PCDH11Y: variants seen among roughly 807,000 people sequenced by gnomAD.
PCDH11Y encodes the protein protocadherin 11 Y-linked, also known as protocadherin-11 Y-linked.
For missense variants in PCDH11Y, 12 were observed against 224.8 expected (o/e 0.05, Z 6.05); for synonymous variants, 9 against 83.6 (o/e 0.11, Z 4.87).
At chrY:5,085,071 C>G (rs111648571) in intron 1 of PCDH11Y, among the ~76,000 whole-genome samples, 1 of 32,894 alleles carries the variant, frequency 3.0e-5, no homozygotes, top group South Asian at 6.7e-4. Context: ...GTTTTGTGGT[C>G]TTCTCTTCCT....
At chrY:5,234,304 T>C in intron 2 of PCDH11Y, among the ~76,000 whole-genome samples, 2 of 21,572 alleles carry the variant, frequency 9.3e-5, no homozygotes. Context: ...AGTGCAGTGG[T>C]GCGATCTTGG....
At chrY:5,470,618 T>C (rs2053313347) in intron 2 of PCDH11Y, among the ~76,000 whole-genome samples, 2 of 30,981 alleles carry the variant, frequency 6.5e-5, no homozygotes, top group African/African-American at 1.3e-4. Context: ...ATTTCATTTA[T>C]GTTTTTTTTT....
chrY:5,237,977 C>T (rs2124654716), intron 2 of PCDH11Y, among the ~76,000 whole-genome samples: 11 of 33,001 alleles, frequency 3.3e-4, no homozygotes, highest in Admixed American at 1.4e-3. Flanking sequence ...GAATCAATAT[C>T]GTGAAAATGG....
intron 1 of PCDH11Y, among the ~76,000 whole-genome samples, chrY:5,003,668 T>C: frequency 1.2e-4 from 4 of 33,865 alleles, no homozygotes; most frequent in Admixed American, 1.0e-3. Flanking sequence ...CAAATTGGGA[T>C]GATGCAGGAA....
At chrY:5,422,681 T>G in intron 2 of PCDH11Y, among the ~76,000 whole-genome samples, 1 of 33,242 alleles carries the variant, frequency 3.0e-5, no homozygotes, top group Non-Finnish European at 7.5e-5. Flanking sequence ...CCAAGACTTT[T>G]GAATAGGGAA....
At chrY:5,333,725 C>T in intron 2 of PCDH11Y, among the ~76,000 whole-genome samples, 1 of 32,411 alleles carries the variant, frequency 3.1e-5, no homozygotes, top group East Asian at 8.2e-4. Context: ...CCTGTCACTA[C>T]TAAAAATGCA....
chrY:5,446,680 C>G, intron 2 of PCDH11Y, among the ~76,000 whole-genome samples: 3 of 33,278 alleles, frequency 9.0e-5, no homozygotes, highest in Admixed American at 8.1e-4. Flanking sequence ...CCTGTTGATA[C>G]TCACTTTCAG....
chrY:5,737,098 T>C lies in PCDH11Y; in HGVS notation c.3353-174T>C, dbSNP rs1602965635. 5.5e-4 allele frequency among the ~76,000 whole-genome samples: 18 copies of C among 32,914 alleles called. No individual in the cohort carries two copies. The South Asian group carries it at 0.012, about 23-fold the overall frequency. 88.3% of individuals were successfully genotyped at this position (32,914 alleles called of 37,273 possible). A position where few individuals can be genotyped will look rare whatever the true frequency, so the allele number is the denominator to read the frequency against. Reference sequence around the variant, plus strand: ...CCACCCACTCCAAGTCATTTATACTTCCCTAAGAATTACTGACAAATTAAA... The same window carrying C: ...CCACCCACTCCAAGTCATTTATACTCCCCTAAGAATTACTGACAAATTAAA... On this transcript the variant is annotated intron_variant, in intron 4 of 4. Coordinates refer to the PCDH11Y transcript ENST00000400457.
At chrY:5,491,556 C>T in intron 2 of PCDH11Y, among the ~76,000 whole-genome samples, 6 of 32,487 alleles carry the variant, frequency 1.8e-4, no homozygotes, top group Non-Finnish European at 3.8e-4. Context: ...ACCACCCCCC[C>T]ACCCCAACTT....
intron 2 of PCDH11Y, among the ~76,000 whole-genome samples, chrY:5,178,054 T>C (rs2052895769): frequency 3.1e-5 from 1 of 32,701 alleles, no homozygotes; most frequent in Non-Finnish European, 7.5e-5. Flanking sequence ...AGAGGGACCT[T>C]GAAGAGGTAT....
intron 2 of PCDH11Y, among the ~76,000 whole-genome samples, chrY:5,123,099 G>A (rs2124640277): frequency 1.5e-4 from 5 of 32,554 alleles, no homozygotes; most frequent in African/African-American, 6.0e-4. Context: ...GCACACTGGG[G>A]CCTCAGGAAG....
chrY:5,574,861 A>ACACTTGTT (rs2053444312), intron 3 of PCDH11Y, among the ~76,000 whole-genome samples: 1 of 32,983 alleles, frequency 3.0e-5, no homozygotes, highest in Non-Finnish European at 7.4e-5. Flanking sequence ...AACAGAATAG[A>ACACTTGTT]GAACCCACAA....
chrY:5,224,506 C>T (rs2052957660), intron 2 of PCDH11Y, among the ~76,000 whole-genome samples: 1 of 31,372 alleles, frequency 3.2e-5, no homozygotes, highest in South Asian at 7.3e-4. Context: ...TGGCTTTCGT[C>T]GTCTTAGCTG....
intron 4 of PCDH11Y, among the ~76,000 whole-genome samples, chrY:5,652,445 C>A (rs2053532226): frequency 6.2e-5 from 2 of 32,320 alleles, no homozygotes; most frequent in Admixed American, 2.8e-4. Flanking sequence ...TTTATGTGTA[C>A]AATAAAAATG....
intron 2 of PCDH11Y, among the ~76,000 whole-genome samples, chrY:5,165,233 A>G: frequency 9.3e-5 from 3 of 32,134 alleles, no homozygotes; most frequent in African/African-American, 2.4e-4. Flanking sequence ...ATTCCACTCA[A>G]TGATAGCCGA....
chrY:5,354,142 G>A, intron 2 of PCDH11Y, among the ~76,000 whole-genome samples: 1 of 34,087 alleles, frequency 2.9e-5, no homozygotes. Flanking sequence ...GGACAAGGGA[G>A]ACTTCATGAG....
intron 2 of PCDH11Y, among the ~76,000 whole-genome samples, chrY:5,243,072 C>A (rs2052990422): frequency 3.0e-5 from 1 of 33,442 alleles, no homozygotes; most frequent in Non-Finnish European, 7.4e-5. Flanking sequence ...GTGGTCTGAA[C>A]AATGGTAGCC....
At chrY:5,140,363 AGTTT>A in intron 2 of PCDH11Y, among the ~76,000 whole-genome samples, 1 of 31,340 alleles carries the variant, frequency 3.2e-5, no homozygotes, top group South Asian at 7.3e-4. Context: ...GAAGAAAAGT[AGTTT>A]ATTTTTGCTG....
At chrY:5,070,180 C>T (rs2052697749) in intron 1 of PCDH11Y, among the ~76,000 whole-genome samples, 1 of 32,925 alleles carries the variant, frequency 3.0e-5, no homozygotes. Context: ...GACTTAAATG[C>T]CTGTATCCTA....
Sources: gnomAD v4.1 joint callset for allele counts (sites outside exome capture counted in the v4.1 genomes callset) on GRCh38, gnomAD v4.1.1 for gene constraint, MANE v1.5 for transcripts, NCBI Gene and HGNC (gene_info 2026-07-23, HGNC 2026-07-21) for gene names.